Variants in MICU2 observed in about 807,000 individuals in gnomAD.
MICU2 encodes the protein calcium uptake protein 2, mitochondrial.
In MICU2, 64 loss-of-function variants were observed where a neutral mutation model predicts 60.4. That is an observed-to-expected ratio of 1.06 (90% CI 0.87 to 1.31). The LOEUF is 1.31. Among genes scored for constraint, MICU2 ranks in the 50% most tolerant of loss-of-function variants. The pLI is 0.00. For missense variants in MICU2, 569 were observed against 531.0 expected (o/e 1.07, Z -0.70); for synonymous variants, 201 against 175.0 (o/e 1.15, Z -1.17).
At chr13:21,577,534 G>A (rs1006641554) in intron 1 of MICU2, among the ~76,000 whole-genome samples, 2 of 152,026 alleles carry the variant, frequency 1.3e-5, no homozygotes, top group African/African-American at 2.4e-5. Context: ...GAGGCTGGGC[G>A]TGGTGGCTCA....
intron 4 of MICU2, among the ~76,000 whole-genome samples, chr13:21,534,172 G>A (rs1887077421): frequency 6.7e-6 from 1 of 150,362 alleles, no homozygotes; most frequent in African/African-American, 2.4e-5. Context: ...ATAATACCAA[G>A]TAATCCTTTT....
intron 1 of MICU2, among the ~76,000 whole-genome samples, chr13:21,587,725 T>C (rs906699141): frequency 6.6e-6 from 1 of 152,204 alleles, no homozygotes; most frequent in African/African-American, 2.4e-5. Flanking sequence ...CTCACTCACT[T>C]AACAGTCATT....
chr13:21,539,361 A>T lies in MICU2; in HGVS notation c.407T>A (p.Leu136Gln), dbSNP rs772012331. ...KLTKKDIEDT[L>Q]SGIQTAGCGS... ...ACAGCCAGCTGTTTGGATCCCTGAC[A>T]GTGTATCCTCGATGTCCTTTGAATA... is the stretch of plus-strand genomic sequence containing the variant. The change falls in exon 4 of 12, where the codon CTG (leucine) becomes CAG (glutamine). Residue 136 changes from leucine to glutamine, a missense_variant. Coordinates refer to ENST00000382374, the MANE Select transcript of MICU2 (RefSeq NM_152726.3). 6 of 1,614,046 alleles carry T rather than the reference A, an allele frequency of 3.7e-6. No homozygotes were observed. Among genetic ancestry groups the T allele is most frequent in the Non-Finnish European group, 5.1e-6 (6 of 1,179,946 alleles).
chr13:21,595,237 T>C (rs1888668060), intron 1 of MICU2, among the ~76,000 whole-genome samples: 2 of 152,340 alleles, frequency 1.3e-5, no homozygotes, highest in African/African-American at 2.4e-5. Flanking sequence ...TTGGTGATAC[T>C]AGAGCTGGAC....
At chr13:21,528,861 C>A (rs148877420) in intron 4 of MICU2, among the ~76,000 whole-genome samples, 1 of 152,228 alleles carries the variant, frequency 6.6e-6, no homozygotes, top group African/African-American at 2.4e-5. Flanking sequence ...GTGAAGCTTG[C>A]GTTAATTCTC....
At chr13:21,579,007 T>C (rs915251006) in intron 1 of MICU2, among the ~76,000 whole-genome samples, 10 of 152,240 alleles carry the variant, frequency 6.6e-5, no homozygotes, top group African/African-American at 1.9e-4. Flanking sequence ...TTGATGGATT[T>C]CAGGCCTTAT....
intron 1 of MICU2, among the ~76,000 whole-genome samples, chr13:21,601,969 G>C (rs1284212577): frequency 1.6e-4 from 25 of 151,724 alleles, no homozygotes; most frequent in Admixed American, 1.6e-3. Context: ...TTAGCTGGAC[G>C]TGGTGGCGTA....
chr13:21,566,063 A>G (rs1178978318), intron 2 of MICU2, among the ~76,000 whole-genome samples: 2 of 152,150 alleles, frequency 1.3e-5, no homozygotes, highest in Non-Finnish European at 2.9e-5. Flanking sequence ...AGAATACACC[A>G]TGATCACTCA....
chr13:21,601,087 G>C (rs1232625415), intron 1 of MICU2, among the ~76,000 whole-genome samples: 4 of 152,096 alleles, frequency 2.6e-5, no homozygotes, highest in Middle Eastern at 3.4e-3. Context: ...TGAGCCACCA[G>C]GCCCGGCCGG....
intron 1 of MICU2, among the ~76,000 whole-genome samples, chr13:21,595,810 A>G (rs1381827363): frequency 1.3e-5 from 2 of 152,204 alleles, no homozygotes; most frequent in Non-Finnish European, 2.9e-5. Flanking sequence ...TTTGGGGTGG[A>G]GGAGGATACC....
chr13:21,600,997 T>C (rs992178070), intron 1 of MICU2, among the ~76,000 whole-genome samples: 135 of 152,190 alleles, frequency 8.9e-4, no homozygotes, highest in African/African-American at 3.0e-3. Context: ...GGGGTTTCAC[T>C]GTGTTAGCCA....
In MICU2 at chr13:21,493,199, C is replaced by T. The variant is rs1202836622; in HGVS notation, c.*50G>A. ...AATAGCAAGTACTTCTAAAAAATCA[C>T]AAATTTTGACATTTGGAACAATATA... On this transcript the variant is annotated 3_prime_UTR_variant, in exon 12 of 12. Coordinates refer to ENST00000382374, the MANE Select transcript of MICU2 (RefSeq NM_152726.3). The T allele has an allele frequency of 1.5e-6, 2 of 1,326,112 alleles. No individual in the cohort carries two copies. 82.1% of individuals were successfully genotyped at this position (1,326,112 alleles called of 1,614,324 possible). A position where few individuals can be genotyped will look rare whatever the true frequency, so the allele number is the denominator to read the frequency against.
Position 21,495,291 on chromosome 13 carries a change from GCTA to G in MICU2, c.1067_1069del (p.Val356del), listed in dbSNP as rs1398628297. On this transcript the variant is annotated inframe_deletion, in exon 11 of 12. Transcript: ENST00000382374. ...ATTGTTTGAGAGTTCTTGTCCTGTT[GCTA>G]CTTTCACAGCTCTCTTAAACTCCGC... is the stretch of plus-strand genomic sequence containing the variant. The G allele has an allele frequency of 1.1e-5, 18 of 1,608,022 alleles. No homozygotes were observed. The highest frequency in any genetic ancestry group is 1.2e-5 in the Non-Finnish European group (14 of 1,176,980).
chr13:21,533,762 G>A (rs1007036534), intron 4 of MICU2, among the ~76,000 whole-genome samples: 2 of 151,806 alleles, frequency 1.3e-5, no homozygotes, highest in African/African-American at 2.4e-5. Flanking sequence ...GTAATACATC[G>A]AATAGCCCTA....
chr13:21,554,409 G>A (rs1425688390), intron 2 of MICU2, among the ~76,000 whole-genome samples: 18 of 152,282 alleles, frequency 1.2e-4, no homozygotes, highest in South Asian at 4.1e-4. Flanking sequence ...CATGGAAACT[G>A]AACAACCTGC....
At chr13:21,571,685 G>A (rs1193750574) in intron 1 of MICU2, among the ~76,000 whole-genome samples, 3 of 152,228 alleles carry the variant, frequency 2.0e-5, no homozygotes, top group Non-Finnish European at 2.9e-5. Flanking sequence ...GCAACAGAGC[G>A]AGACTGCGTC....
intron 10 of MICU2, 32 bp from the exon 11 acceptor site, chr13:21,495,350 T>G: frequency 6.6e-7 from 1 of 1,511,882 alleles, no homozygotes; most frequent in Non-Finnish European, 8.9e-7. Flanking sequence ...ACTTATCAAC[T>G]ATGTGAAATA....
In MICU2 at chr13:21,604,118, C is replaced by T; in HGVS notation, c.31G>A (p.Val11Met). 1.9e-6 allele frequency: 3 copies of T among 1,578,060 alleles called. No individual in the cohort carries two copies. Among genetic ancestry groups the T allele is most frequent in the Non-Finnish European group, 2.6e-6 (3 of 1,164,290 alleles). ...CGCAGTTTTCCGCCCCAGGCCGCCA[C>T]CCGCGCGCAGCTACCCGCAGCCGCC... MAAAAGSCARVAAWGGKLRRG... is the reference protein window; with the variant it reads MAAAAGSCARMAAWGGKLRRG... Residue 11 changes from valine to methionine, a missense_variant, in exon 1 of 12, where the codon GTG (valine) becomes ATG (methionine). Coordinates refer to ENST00000382374, the MANE Select transcript of MICU2 (RefSeq NM_152726.3).
intron 8 of MICU2, among the ~76,000 whole-genome samples, chr13:21,508,315 C>T (rs1196353375): frequency 2.0e-5 from 3 of 151,982 alleles, no homozygotes; most frequent in Non-Finnish European, 2.9e-5. Context: ...TTAGTAGAGA[C>T]GGGGTTTCAC....
Sources: allele counts gnomAD v4.1 joint callset (sites outside exome capture counted in the v4.1 genomes callset), GRCh38; gene constraint gnomAD v4.1.1; transcripts MANE v1.5; gene names NCBI Gene and HGNC (gene_info 2026-07-23, HGNC 2026-07-21).